Variants in RDH11 observed in about 807,000 individuals in gnomAD.
The protein encoded by RDH11 is retinol dehydrogenase 11.
In RDH11, 19 loss-of-function variants were observed where a neutral mutation model predicts 33.4. The observed-to-expected ratio is 0.57, with a 90% CI of 0.40 to 0.83. The LOEUF is 0.83. Among genes scored for constraint, RDH11 ranks in the 40% least tolerant of loss-of-function variants. The pLI is 0.00. For synonymous variants in RDH11, 154 were observed against 155.3 expected (o/e 0.99, Z 0.06); for missense variants, 353 against 389.0 (o/e 0.91, Z 0.78).
chr14:67,691,450 T>G (rs1277903923), intron 3 of RDH11: 3 of 510,406 alleles, frequency 5.9e-6, no homozygotes, highest in South Asian at 2.6e-5. Context: ...AATTCCATTT[T>G]ATACTACCAA....
intron 6 of RDH11, among the ~76,000 whole-genome samples, chr14:67,679,407 T>G (rs960623239): frequency 2.0e-5 from 3 of 151,070 alleles, no homozygotes; most frequent in African/African-American, 4.8e-5. Flanking sequence ...ATTCCAAGTT[T>G]TTTTTTTTTT....
intron 6 of RDH11, chr14:67,684,757 A>G: frequency 3.4e-6 from 1 of 290,856 alleles, no homozygotes; most frequent in Non-Finnish European, 6.3e-6. Context: ...AAGAATAAAG[A>G]AAACTGGACT....
intron 5 of RDH11, among the ~76,000 whole-genome samples, chr14:67,686,441 C>T (rs921461271): frequency 2.0e-5 from 3 of 151,952 alleles, no homozygotes; most frequent in Admixed American, 6.6e-5. Flanking sequence ...GAGTTATAGA[C>T]CAGCCTGGGC....
At chr14:67,687,174 T>C (rs11848914) in intron 5 of RDH11, among the ~76,000 whole-genome samples, 80 of 152,270 alleles carry the variant, frequency 5.3e-4, no homozygotes, top group African/African-American at 1.8e-3. Flanking sequence ...TAGTCCAAAC[T>C]ACCCTCATTT....
chr14:67,695,094 CCAAA>C (rs2037813211), intron 1 of RDH11, among the ~76,000 whole-genome samples: 3 of 152,184 alleles, frequency 2.0e-5, no homozygotes. Flanking sequence ...GAGCTCATAA[CCAAA>C]CACTCTTCCT....
At position 67,695,658 on chromosome 14, in the gene RDH11, G is replaced by T; in HGVS notation, c.46C>A (p.Leu16Ile). 1 of 1,614,210 alleles carries T rather than the reference G, an allele frequency of 6.2e-7. No homozygotes were observed. The highest frequency in any genetic ancestry group is 8.5e-7 in the Non-Finnish European group (1 of 1,180,030). ...FPLLLLLLPFLLYMAAPQIRK... is the reference protein window; with the variant it reads ...FPLLLLLLPFILYMAAPQIRK... ...ATTTGGGGCGCAGCCATATACAGAA[G>T]GAAGGGCAGAAGGAGGAGCAACAGC... The change falls in exon 1 of 7, where the codon CTT becomes ATT. Residue 16 changes from leucine (L) to isoleucine (I), a missense_variant. Coordinates refer to ENST00000381346, the MANE Select transcript of RDH11 (RefSeq NM_016026.4).
intron 5 of RDH11, among the ~76,000 whole-genome samples, chr14:67,689,635 A>G (rs2037723823): frequency 6.6e-6 from 1 of 152,128 alleles, no homozygotes; most frequent in African/African-American, 2.4e-5. Context: ...TTACATATGA[A>G]GAAGGAAGTC....
intron 5 of RDH11, among the ~76,000 whole-genome samples, chr14:67,687,323 C>T (rs2037690747): frequency 6.6e-6 from 1 of 152,170 alleles, no homozygotes; most frequent in South Asian, 2.1e-4. Flanking sequence ...TGGCATCTAC[C>T]TACCTCACCA....
chr14:67,690,370 G>A lies in RDH11; in HGVS notation c.506C>T (p.Pro169Leu). The A allele has an allele frequency of 6.2e-7, 1 of 1,614,218 alleles. No individual in the cohort carries two copies. The highest frequency in any genetic ancestry group is 8.5e-7 in the Non-Finnish European group (1 of 1,180,022). ...LLLEKLKESA[P>L]SRIVNVSSLA... ...GGAAGACACATTTACTATCCTTGAT[G>A]GGGCTGATTCCTTTAGTTTCTCTAG... The change falls in exon 5 of 7, where the codon CCA becomes CTA. Residue 169 changes from proline (P) to leucine (L), a missense_variant. Pro to Leu is a moderately conservative substitution (Grantham distance 98, BLOSUM62 -3). Transcript: ENST00000381346.
In RDH11 at chr14:67,684,954, A is replaced by G. The variant is rs1251743540; in HGVS notation, c.854+61T>C. 16 of 1,453,620 alleles carry G rather than the reference A, an allele frequency of 1.1e-5. No homozygotes were observed. In the Admixed American group the frequency reaches 3.4e-4, roughly 31 times the overall value. 90.0% of individuals were successfully genotyped at this position (1,453,620 alleles called of 1,614,324 possible). A position where few individuals can be genotyped will look rare whatever the true frequency, so the allele number is the denominator to read the frequency against. ...CTTTTAAAAAAGGGTATACCCAGAC[A>G]AACCCAAATTATCTCCTTTGAGCAA... On this transcript the variant is annotated intron_variant, in intron 6 of 6. Transcript: ENST00000381346.
chr14:67,684,728 T>C (rs1414022786), intron 6 of RDH11: 2 of 226,834 alleles, frequency 8.8e-6, no homozygotes, highest in African/African-American at 4.5e-5. Context: ...TGTAAAACAA[T>C]AGAATTAGGA....
rs935199197 is a variant in RDH11 at position 67,677,571 on chromosome 14, T to C, written c.*750A>G. 3 of 151,942 alleles carry C rather than the reference T, an allele frequency of 2.0e-5. No individual in the cohort carries two copies. Among genetic ancestry groups the C allele is most frequent in the African/African-American group, 7.3e-5 (3 of 41,348 alleles). The allele number at this position is 151,942 out of a possible 1,614,324, so 9.4% of individuals were successfully genotyped here. On this transcript the variant is annotated 3_prime_UTR_variant, in exon 7 of 7. Transcript: ENST00000381346. ...GTGCATTATCTTCCAGTATTCTCCT[T>C]CTCTTTTTTTACTTCTTCCCTGCTA...
At chr14:67,685,286 G>A (rs2037664186) in intron 5 of RDH11, 82 bp from the exon 6 acceptor site, 2 of 1,127,220 alleles carry the variant, frequency 1.8e-6, no homozygotes, top group Non-Finnish European at 2.5e-6. Context: ...ATGTAAATAA[G>A]CATGTGACCT....
At chr14:67,680,748 C>T (rs1478533331) in intron 6 of RDH11, among the ~76,000 whole-genome samples, 2 of 152,200 alleles carry the variant, frequency 1.3e-5, no homozygotes, top group Non-Finnish European at 2.9e-5. Flanking sequence ...CGTGAGCCGC[C>T]GCGCCCAGCC....
rs758852140 is a variant in RDH11 at position 67,694,489 on chromosome 14, C to CATAT, written c.74+1137_74+1140dup. On this transcript the variant is annotated intron_variant, in intron 1 of 6. Coordinates refer to ENST00000381346, the MANE Select transcript of RDH11 (RefSeq NM_016026.4). ...ACATATATATATATACACACACACA[C>CATAT]ATATATATATATATATACACACATA... Among the ~76,000 whole-genome samples the CATAT allele has an allele frequency of 2.3e-3, 333 of 144,212 alleles. 3 individuals carry two copies. Among genetic ancestry groups the CATAT allele is most frequent in the African/African-American group, 7.6e-3 (291 of 38,478 alleles). 94.6% of individuals were successfully genotyped at this position (144,212 alleles called of 152,430 possible).
At chr14:67,694,688 T>C (rs1173471319) in intron 1 of RDH11, among the ~76,000 whole-genome samples, 1 of 151,846 alleles carries the variant, frequency 6.6e-6, no homozygotes, top group Non-Finnish European at 1.5e-5. Flanking sequence ...GTGGGAGAAC[T>C]GAGTGTTCAG....
Position 67,690,224 on chromosome 14 carries a change from G to C in RDH11, c.652C>G (p.Arg218Gly). 1 of 1,613,200 alleles carries C rather than the reference G, an allele frequency of 6.2e-7. No homozygotes were observed. Among genetic ancestry groups the C allele is most frequent in the Non-Finnish European group, 8.5e-7 (1 of 1,179,912 alleles). Residue 218 changes from arginine (R) to glycine (G), a missense_variant, in exon 5 of 7, where the codon CGG (arginine) becomes GGG (glycine). Coordinates refer to ENST00000381346, the MANE Select transcript of RDH11 (RefSeq NM_016026.4). ...CCTCTAGGCCCACCTTTTAGTCTCC[G>C]GGCCAGTTCCTGGGTGAAGAGGATG... ...ANILFTQELA[R>G]RLKGSGVTTY...
At position 67,685,215 on chromosome 14, in the gene RDH11, G is replaced by A. The variant is rs769164779; in HGVS notation, c.665-11C>T. On this transcript the variant is annotated splice_polypyrimidine_tract_variant and intron_variant, in intron 5 of 6. Transcript: ENST00000381346. Reference sequence around the variant, plus strand: ...TCGTAACGCCAGAGCCTGGTTGGGGGTGGCATGAAGAGAGGGTAAGACAGG... The same window carrying A: ...TCGTAACGCCAGAGCCTGGTTGGGGATGGCATGAAGAGAGGGTAAGACAGG... 2.5e-6 allele frequency: 4 copies of A among 1,605,894 alleles called. No individual in the cohort carries two copies. Among genetic ancestry groups the A allele is most frequent in the South Asian group, 2.2e-5 (2 of 89,926 alleles).
intron 4 of RDH11, 160 bp from the exon 5 acceptor site, chr14:67,690,581 G>A: frequency 1.6e-6 from 1 of 633,682 alleles, no homozygotes; most frequent in Non-Finnish European, 2.7e-6. Context: ...TGAAGGTTTA[G>A]GGAAATAACA....
Sources: allele counts gnomAD v4.1 joint callset (sites outside exome capture counted in the v4.1 genomes callset), GRCh38; gene constraint gnomAD v4.1.1; transcripts MANE v1.5; gene names NCBI Gene and HGNC (gene_info 2026-07-23, HGNC 2026-07-21).